TBC1D5: variants seen among roughly 807,000 people sequenced by gnomAD.
The protein encoded by TBC1D5 is TBC1 domain family, member 5.
TBC1D5 carries 75 observed loss-of-function variants against 100.3 expected under a neutral mutation model. The ratio of observed to expected loss-of-function variants is 0.75; its 90% confidence interval spans 0.62 to 0.91. TBC1D5 has a LOEUF of 0.91. Ranked by LOEUF, TBC1D5 falls within the 40% of genes least tolerant of loss-of-function variation. TBC1D5 has a pLI of 0.00. For synonymous variants in TBC1D5, 323 were observed against 325.6 expected (o/e 0.99, Z 0.09); for missense variants, 910 against 942.4 (o/e 0.97, Z 0.45).
intron 19 of TBC1D5, among the ~76,000 whole-genome samples, chr3:17,181,201 C>T (rs1357572064): frequency 6.6e-6 from 1 of 152,166 alleles, no homozygotes; most frequent in Non-Finnish European, 1.5e-5. Context: ...ACTAGCACAT[C>T]CCAAATTCCA....
intron 3 of TBC1D5, among the ~76,000 whole-genome samples, chr3:17,444,890 G>C (rs2094748935): frequency 6.6e-6 from 1 of 152,030 alleles, no homozygotes. Context: ...GCATTACAGA[G>C]AAAAAGAATT....
intron 3 of TBC1D5, among the ~76,000 whole-genome samples, chr3:17,489,702 G>T (rs2095614468): frequency 6.6e-6 from 1 of 152,092 alleles, no homozygotes; most frequent in Admixed American, 6.5e-5. Flanking sequence ...CCTTTTTATG[G>T]CTACACAGTA....
intron 1 of TBC1D5, among the ~76,000 whole-genome samples, chr3:17,716,448 G>GA (rs34983821): frequency 0.51 from 75,622 of 149,490 alleles, 20,356 homozygotes; most frequent in East Asian, 0.94. Context: ...TGTTCAGAGG[G>GA]AAAAAAAAAA....
chr3:17,510,211 A>G (rs2095888815), intron 2 of TBC1D5, among the ~76,000 whole-genome samples: 1 of 152,026 alleles, frequency 6.6e-6, no homozygotes, highest in African/African-American at 2.4e-5. Context: ...TCATGAATAC[A>G]TAAATTCTGG....
At chr3:17,657,335 T>C (rs1450378751) in intron 1 of TBC1D5, among the ~76,000 whole-genome samples, 2 of 148,484 alleles carry the variant, frequency 1.3e-5, no homozygotes, top group Non-Finnish European at 1.5e-5. Context: ...CTTTCTTTTT[T>C]TTTTTTTTTT....
intron 3 of TBC1D5, among the ~76,000 whole-genome samples, chr3:17,484,379 G>A (rs543695227): frequency 4.0e-4 from 61 of 151,940 alleles, no homozygotes; most frequent in African/African-American, 1.3e-3. Flanking sequence ...AAGGTCTCCC[G>A]CCCCAGGTTT....
At chr3:17,285,852 C>G (rs1315523578) in intron 15 of TBC1D5, among the ~76,000 whole-genome samples, 1 of 152,120 alleles carries the variant, frequency 6.6e-6, no homozygotes, top group Non-Finnish European at 1.5e-5. Context: ...TAACCTCAAG[C>G]AAGAACCAAA....
At chr3:17,372,360 CT>C in intron 12 of TBC1D5, 113 bp from the exon 13 acceptor site, 1 of 959,554 alleles carries the variant, frequency 1.0e-6, no homozygotes, top group Non-Finnish European at 1.4e-6. Flanking sequence ...CTGCCTACTA[CT>C]CATTCTTAAA....
intron 2 of TBC1D5, among the ~76,000 whole-genome samples, chr3:17,576,089 C>A (rs1443779020): frequency 2.6e-5 from 4 of 152,000 alleles, no homozygotes; most frequent in Non-Finnish European, 5.9e-5. Context: ...TACTCTTAGC[C>A]ATCCCTTAAA....
chr3:17,403,441 A>G (rs2093693971), intron 7 of TBC1D5, among the ~76,000 whole-genome samples, 193 bp from the exon 8 acceptor site: 1 of 152,090 alleles, frequency 6.6e-6, no homozygotes, highest in East Asian at 1.9e-4. Context: ...TTATTCTAAC[A>G]TCAATTTTTC....
At chr3:17,336,533 A>C (rs1188243019) in intron 13 of TBC1D5, among the ~76,000 whole-genome samples, 2 of 152,132 alleles carry the variant, frequency 1.3e-5, no homozygotes, top group Non-Finnish European at 2.9e-5. Flanking sequence ...CAAAGTTGTA[A>C]AATGGCTGCT....
At chr3:17,644,795 C>T (rs984157708) in intron 1 of TBC1D5, among the ~76,000 whole-genome samples, 1 of 151,952 alleles carries the variant, frequency 6.6e-6, no homozygotes, top group African/African-American at 2.4e-5. Context: ...CAAAAATACA[C>T]GAGAAAACAG....
Position 17,601,941 on chromosome 3 carries a change from T to C in TBC1D5, c.-36+21908A>G, listed in dbSNP as rs555173086. On this transcript the variant is annotated intron_variant, in intron 2 of 21. Transcript: ENST00000253692. Reference sequence around the variant, plus strand: ...GTCTCCCAGGTTCACGCCATTCTCCTGTCTCAGCCTCCTGAGTAGCTGGGA... The same window carrying C: ...GTCTCCCAGGTTCACGCCATTCTCCCGTCTCAGCCTCCTGAGTAGCTGGGA... Among the ~76,000 whole-genome samples the C allele has an allele frequency of 2.0e-5, 3 of 152,248 alleles. No homozygotes were observed. The East Asian group carries it at 5.8e-4, about 29-fold the overall frequency.
intron 1 of TBC1D5, among the ~76,000 whole-genome samples, chr3:17,655,717 TATTCCAAAATCAGAAAAAAAATCCGA>T (rs1041095473): frequency 3.9e-5 from 6 of 152,086 alleles, no homozygotes; most frequent in African/African-American, 1.4e-4. Flanking sequence ...TTGGAACAAA[TATTCCAAAATCAGAAAAAAAATCCGA>T]ATTCCAAAAT....
chr3:17,631,043 C>CA lies in TBC1D5; in HGVS notation c.-100-7131dup, dbSNP rs67069718. ...TGGACGACTGAGTGAGACTCCGTCT[C>CA]AAAAAAAAAAAAAAAAAAAGTTAGG... is the stretch of plus-strand genomic sequence containing the variant. On this transcript the variant is annotated intron_variant, in intron 1 of 21. Transcript: ENST00000253692. Among the ~76,000 whole-genome samples, 224 of 29,202 alleles carry CA rather than the reference C, an allele frequency of 7.7e-3. 2 individuals are homozygous for CA. The highest frequency in any genetic ancestry group is 0.02 in the African/African-American group (158 of 7,764). 19.2% of individuals were successfully genotyped at this position (29,202 alleles called of 152,430 possible).
At chr3:17,530,404 T>A (rs2096205965) in intron 2 of TBC1D5, among the ~76,000 whole-genome samples, 1 of 152,106 alleles carries the variant, frequency 6.6e-6, no homozygotes, top group African/African-American at 2.4e-5. Context: ...AGAGCTCATT[T>A]CTCTCTGTTT....
intron 4 of TBC1D5, among the ~76,000 whole-genome samples, chr3:17,417,117 T>G (rs888356118): frequency 6.6e-6 from 1 of 152,192 alleles, no homozygotes; most frequent in Admixed American, 6.5e-5. Flanking sequence ...GAGAAGTTTG[T>G]GTCTAGATCT....
At chr3:17,491,945 G>C (rs2095644937) in intron 3 of TBC1D5, among the ~76,000 whole-genome samples, 1 of 152,172 alleles carries the variant, frequency 6.6e-6, no homozygotes, top group Non-Finnish European at 1.5e-5. Context: ...TTGATTGGCA[G>C]ACTGTTTACT....
upstream of TBC1D5, among the ~76,000 whole-genome samples, chr3:17,741,983 C>A (rs1024695217): frequency 6.6e-6 from 1 of 152,020 alleles, no homozygotes; most frequent in Admixed American, 6.6e-5. Flanking sequence ...GTTTCGCTTC[C>A]GGCTAGGGAA....
Sources: allele counts gnomAD v4.1 joint callset (sites outside exome capture counted in the v4.1 genomes callset), GRCh38; gene constraint gnomAD v4.1.1; transcripts MANE v1.5; gene names NCBI Gene and HGNC (gene_info 2026-07-23, HGNC 2026-07-21).